The following CACNA2D4 variants were observed in gnomAD, a reference collection of about 807,000 sequenced individuals.
The protein encoded by CACNA2D4 is voltage-dependent calcium channel subunit alpha-2/delta-4.
CACNA2D4 carries 157 observed loss-of-function variants against 163.8 expected under a neutral mutation model. The ratio of observed to expected loss-of-function variants is 0.96; its 90% CI spans 0.84 to 1.09. The LOEUF is 1.09. Ranked by LOEUF, CACNA2D4 falls within the 50% of genes least tolerant of loss-of-function variation. The probability of loss-of-function intolerance (pLI) is 0.00; values close to 1 mark genes in which losing one functional copy is unlikely to be tolerated. For synonymous variants in CACNA2D4, 598 were observed against 586.9 expected (o/e 1.02, Z -0.27); for missense variants, 1,410 against 1,479.9 (o/e 0.95, Z 0.78).
At chr12:1,795,538 C>A in intron 36 of CACNA2D4, 130 bp downstream of exon 36, 1 of 918,784 alleles carries the variant, frequency 1.1e-6, no homozygotes. Flanking sequence ...GGTTAGAGAA[C>A]AAATAACGGA....
Position 1,918,564 on chromosome 12 carries a change from C to T in CACNA2D4, c.-91G>A, listed in dbSNP as rs76066543. On this transcript the variant is annotated 5_prime_UTR_variant, in exon 1 of 38. Coordinates refer to ENST00000382722, the MANE Select transcript of CACNA2D4 (RefSeq NM_172364.5). ...AGCCTGGGGTCTCCAGCCTCTCAGT[C>T]CTGGGTGGGGAGGGCTTCTCTCTGC... 4,477 of 990,334 alleles carry T rather than the reference C, an allele frequency of 4.5e-3. 81 individuals are homozygous for T. Among genetic ancestry groups the T allele is most frequent in the African/African-American group, 0.041 (2,492 of 60,574 alleles). The allele number at this position is 990,334 out of a possible 1,614,324, so 61.3% of individuals were successfully genotyped here.
chr12:1,896,840 C>A (rs1301808758), intron 6 of CACNA2D4, among the ~76,000 whole-genome samples: 1 of 152,158 alleles, frequency 6.6e-6, no homozygotes, highest in Non-Finnish European at 1.5e-5. Context: ...CAAAGGTATA[C>A]CTGCACTGGC....
At chr12:1,827,338 T>G (rs886748051) in intron 26 of CACNA2D4, 2 of 152,874 alleles carry the variant, frequency 1.3e-5, no homozygotes, top group Non-Finnish European at 2.9e-5. Flanking sequence ...AGCCTGCTCC[T>G]GCGCCCTGGC....
In CACNA2D4 at chr12:1,874,217, C is replaced by A. The variant is rs1431096953; in HGVS notation, c.1878+387G>T. Among the ~76,000 whole-genome samples, 3 of 152,222 alleles carry A rather than the reference C, an allele frequency of 2.0e-5. No individual in the cohort carries two copies. Among genetic ancestry groups the A allele is most frequent in the African/African-American group, 7.2e-5 (3 of 41,454 alleles). ...TGTAGGGAATAGTGAATATTTCAAT[C>A]TCTTCCTGTATAACACTTCACAAGA... On this transcript the variant is annotated intron_variant, in intron 18 of 37. Transcript: ENST00000382722. The surrounding 1 kb of genome is among the most constrained non-coding windows in gnomAD (Gnocchi z 4.4).
At chr12:1,842,495 T>C (rs7960845) in intron 25 of CACNA2D4, among the ~76,000 whole-genome samples, 151,393 of 152,342 alleles carry the variant, frequency 0.99, 75,231 homozygotes, top group Middle Eastern at 1. Context: ...TAAGCGTGTG[T>C]GTGCGCTGAG....
chr12:1,839,887 A>T (rs949271062), intron 26 of CACNA2D4, among the ~76,000 whole-genome samples: 5 of 152,208 alleles, frequency 3.3e-5, no homozygotes, highest in African/African-American at 1.2e-4. Flanking sequence ...TCTGGACTGA[A>T]TTATGGCATC....
intron 11 of CACNA2D4, 73 bp downstream of exon 11, chr12:1,884,695 G>A: frequency 1.0e-6 from 1 of 957,128 alleles, no homozygotes; most frequent in Non-Finnish European, 1.7e-6. Flanking sequence ...ATCCTTCTAG[G>A]GTCCCTGCTG....
At chr12:1,832,327 T>C (rs564941646) in intron 26 of CACNA2D4, among the ~76,000 whole-genome samples, 1 of 152,312 alleles carries the variant, frequency 6.6e-6, no homozygotes, top group East Asian at 1.9e-4. Context: ...ATCTATTTCG[T>C]AGGGTCATTA....
rs111277344 is a variant in CACNA2D4 at position 1,861,777 on chromosome 12, C to T, written c.1879-1571G>A. Among the ~76,000 whole-genome samples the T allele has an allele frequency of 2.4e-3, 366 of 152,136 alleles. 1 individual carries two copies. The highest frequency in any genetic ancestry group is 7.7e-3 in the African/African-American group (321 of 41,494). On this transcript the variant is annotated intron_variant, in intron 18 of 37. Transcript: ENST00000382722. ...TTTTAATTGAAGGAAAGGGTGGATGCACAGATCTTCCATGTATTACCTAAT... is the reference window on the plus strand; with the variant it reads ...TTTTAATTGAAGGAAAGGGTGGATGTACAGATCTTCCATGTATTACCTAAT...
intron 23 of CACNA2D4, among the ~76,000 whole-genome samples, chr12:1,853,558 ATCT>A (rs896679196): frequency 1.3e-5 from 2 of 152,094 alleles, no homozygotes; most frequent in African/African-American, 4.8e-5. Context: ...CATGCCACTC[ATCT>A]TCTTTCTACC....
rs1426461966 is a variant in CACNA2D4, at chr12:1,809,624, T to C, written c.2721+654A>G. 4.3e-6 allele frequency: 3 copies of C among 693,434 alleles called. No homozygotes were observed. The Admixed American group carries it at 6.3e-5, about 15-fold the overall frequency. The allele number at this position is 693,434 out of a possible 1,614,324, so 43.0% of individuals were successfully genotyped here. On this transcript the variant is annotated intron_variant, in intron 29 of 37. Coordinates refer to ENST00000382722, the MANE Select transcript of CACNA2D4 (RefSeq NM_172364.5). ...TGGAGCCCAGCAAGTATAAAAATAT[T>C]ATTGTACTTTCTCTTTTTCCTTTCT...
Position 1,877,022 on chromosome 12 carries a change from T to C in CACNA2D4, c.1719+1293A>G, listed in dbSNP as rs147696503. On this transcript the variant is annotated intron_variant, in intron 16 of 37. Coordinates refer to ENST00000382722, the MANE Select transcript of CACNA2D4 (RefSeq NM_172364.5). The stretch of plus-strand genomic sequence containing the variant: ...TAACTATTGTTTTCCTGATAGTGCT[T>C]TCCTCAGATAACTCATTACTTTGGC... Among the ~76,000 whole-genome samples, 51 of 152,376 alleles carry C rather than the reference T, an allele frequency of 3.3e-4. No homozygotes were observed. The East Asian group carries it at 9.8e-3, about 29-fold the overall frequency.
Position 1,828,072 on chromosome 12 carries a change from T to C in CACNA2D4, c.2551+12667A>G. On this transcript the variant is annotated intron_variant, in intron 26 of 37. Transcript: ENST00000382722. This position sits in a 1 kb window ranked among gnomAD's most constrained non-coding sequence, Gnocchi z 4.2. ...CCTGTGCTCAGTGCTCCTCCCTCCC[T>C]CAGGACTGACAGGCGGCGCACCCAG... 1 of 1,383,074 alleles carries C rather than the reference T, an allele frequency of 7.2e-7. No homozygotes were observed. The highest frequency in any genetic ancestry group is 1.5e-5 in the South Asian group (1 of 67,038). 85.7% of individuals were successfully genotyped at this position (1,383,074 alleles called of 1,614,324 possible).
intron 6 of CACNA2D4, among the ~76,000 whole-genome samples, chr12:1,888,197 G>A (rs1866197543): frequency 6.6e-6 from 1 of 152,186 alleles, no homozygotes; most frequent in Non-Finnish European, 1.5e-5. Flanking sequence ...TGGTCATGGG[G>A]AATTTGATCC....
rs766271337 is a variant in CACNA2D4, at chr12:1,793,608, G to T, written c.*47C>A. 2 of 1,544,714 alleles carry T rather than the reference G, an allele frequency of 1.3e-6. No individual in the cohort carries two copies. Among genetic ancestry groups the T allele is most frequent in the African/African-American group, 2.7e-5 (2 of 73,562 alleles). On this transcript the variant is annotated 3_prime_UTR_variant, in exon 38 of 38. Transcript: ENST00000382722. ...ATGTCAGTGCTGACTTTTTGGGATG[G>T]CTCTGGAAGGATCACCTTGCCAAAA...
At chr12:1,895,890 T>C (rs764065525) in intron 6 of CACNA2D4, among the ~76,000 whole-genome samples, 4 of 152,258 alleles carry the variant, frequency 2.6e-5, no homozygotes, top group Non-Finnish European at 4.4e-5. Context: ...CCTCCCACCT[T>C]GATCTCCTAA....
rs888561960 is a variant in CACNA2D4 at position 1,833,306 on chromosome 12, T to A, written c.2551+7433A>T. On this transcript the variant is annotated intron_variant, in intron 26 of 37. Transcript: ENST00000382722. This position sits in a 1 kb window ranked among gnomAD's most constrained non-coding sequence, Gnocchi z 4.2. Reference sequence around the variant, plus strand: ...CGCATCTTTTCGGCAGGGGGTCTAGTGCCTGCATCCAGATTTCACTGGAAG... The same window carrying A: ...CGCATCTTTTCGGCAGGGGGTCTAGAGCCTGCATCCAGATTTCACTGGAAG... 6.6e-6 allele frequency among the ~76,000 whole-genome samples: 1 copy of A among 152,132 alleles called. No homozygotes were observed. Among genetic ancestry groups the A allele is most frequent in the Non-Finnish European group, 1.5e-5 (1 of 68,018 alleles).
At chr12:1,800,924 G>A in intron 31 of CACNA2D4, 119 bp downstream of exon 31, 1 of 864,422 alleles carries the variant, frequency 1.2e-6, no homozygotes, top group Non-Finnish European at 1.9e-6. Context: ...GATGGTCAAG[G>A]TAGGGCCCTG....
chr12:1,806,339 T>C lies in CACNA2D4; in HGVS notation c.2721+3939A>G, dbSNP rs1863536361. Reference sequence around the variant, plus strand: ...TTGTCATCCATAACTCTTATAAGAATGAGCCCTGGCCTGGAAGAGAGGCCA... The same window carrying C: ...TTGTCATCCATAACTCTTATAAGAACGAGCCCTGGCCTGGAAGAGAGGCCA... On this transcript the variant is annotated intron_variant, in intron 29 of 37. Transcript: ENST00000382722. The surrounding 1 kb of genome is among the most constrained non-coding windows in gnomAD (Gnocchi z 4.1). Among the ~76,000 whole-genome samples the C allele has an allele frequency of 6.6e-6, 1 of 152,188 alleles. No individual in the cohort carries two copies.
Sources: allele counts gnomAD v4.1 joint callset (sites outside exome capture counted in the v4.1 genomes callset), GRCh38; gene constraint gnomAD v4.1.1; non-coding constraint Gnocchi (gnomAD v3.1); transcripts MANE v1.5; gene names NCBI Gene and HGNC (gene_info 2026-07-23, HGNC 2026-07-21).